Variants in IFT172 observed in about 807,000 individuals in gnomAD.
The protein encoded by IFT172 is intraflagellar transport 172, also known as intraflagellar transport protein 172 homolog.
A neutral mutation model predicts 248.9 loss-of-function variants in IFT172; 164 were observed. The observed-to-expected ratio is 0.66, with a 90% CI of 0.58 to 0.75. The LOEUF (loss-of-function observed/expected upper bound fraction) is 0.75. Ranked by LOEUF, IFT172 falls within the 30% of genes least tolerant of loss-of-function variation. The pLI is 0.00. For missense variants in IFT172, 1,950 were observed against 2,192.4 expected (o/e 0.89, Z 2.21); for synonymous variants, 729 against 791.6 (o/e 0.92, Z 1.33).
Position 27,477,009 on chromosome 2 carries a change from G to C in IFT172, c.1325+208C>G. The stretch of plus-strand genomic sequence containing the variant: ...TGGATAATTTTTTGTATTTTTAGTA[G>C]AGATGGGGTTTCACCATGTTGCCCA... On this transcript the variant is annotated intron_variant, in intron 13 of 47. Coordinates refer to ENST00000260570, the MANE Select transcript of IFT172 (RefSeq NM_015662.3). 1.1e-5 allele frequency: 7 copies of C among 610,530 alleles called. No individual in the cohort carries two copies. The South Asian group carries it at 1.4e-4, about 12-fold the overall frequency. The allele number at this position is 610,530 out of a possible 1,614,324, so 37.8% of individuals were successfully genotyped here.
At position 27,449,280 on chromosome 2, in the gene IFT172, G is replaced by T; in HGVS notation, c.4311+14C>A. On this transcript the variant is annotated intron_variant, in intron 39 of 47. Transcript: ENST00000260570. Reference sequence around the variant, plus strand: ...AAATGTAAAGAAAAACTGGGAATGGGAAGAGAGCAGTACCTGCTTGGTAGC... The same window carrying T: ...AAATGTAAAGAAAAACTGGGAATGGTAAGAGAGCAGTACCTGCTTGGTAGC... 1 of 1,613,960 alleles carries T rather than the reference G, an allele frequency of 6.2e-7. No individual in the cohort carries two copies. Among genetic ancestry groups the T allele is most frequent in the Non-Finnish European group, 8.5e-7 (1 of 1,179,918 alleles).
At chr2:27,449,060 T>C in intron 39 of IFT172, 29 bp from the exon 40 acceptor site, 12 of 1,344,510 alleles carry the variant, frequency 8.9e-6, no homozygotes, top group Non-Finnish European at 1.3e-5. Flanking sequence ...AAAGCATGAG[T>C]GAGGCTGGGA....
chr2:27,448,774 C>T, intron 40 of IFT172, 141 bp downstream of exon 40: 2 of 670,394 alleles, frequency 3.0e-6, no homozygotes, highest in Admixed American at 4.4e-5. Context: ...CTGTACATTT[C>T]TGGAGATGCG....
intron 16 of IFT172, among the ~76,000 whole-genome samples, chr2:27,466,242 C>G (rs1230238584): frequency 1.3e-5 from 2 of 152,054 alleles, no homozygotes; most frequent in Non-Finnish European, 2.9e-5. Context: ...GAAGAAATCA[C>G]TAAGAATATT....
chr2:27,453,793 C>G, intron 33 of IFT172, 54 bp from the exon 34 acceptor site: 1 of 1,524,144 alleles, frequency 6.6e-7, no homozygotes, highest in Non-Finnish European at 9.0e-7. Context: ...CAGCTTCCCA[C>G]TGCCACACAG....
chr2:27,488,405 C>T lies in IFT172; in HGVS notation c.39+1210G>A, dbSNP rs1005608883. 5.3e-5 allele frequency among the ~76,000 whole-genome samples: 8 copies of T among 151,960 alleles called. No individual in the cohort carries two copies. In the East Asian group the frequency reaches 1.2e-3, roughly 22 times the overall value. The stretch of plus-strand genomic sequence containing the variant: ...CTGACCTCAGGTGATCCGCCCGCCT[C>T]GGCCTCCCAAAGTACAGGGATTACA... On this transcript the variant is annotated intron_variant, in intron 1 of 47. Transcript: ENST00000260570.
Position 27,478,028 on chromosome 2 carries a change from C to A in IFT172, c.1134G>T (p.Leu378=), listed in dbSNP as rs748753565. 6.2e-7 allele frequency: 1 copy of A among 1,614,162 alleles called. No homozygotes were observed. The highest frequency in any genetic ancestry group is 8.5e-7 in the Non-Finnish European group (1 of 1,180,028). Reference sequence around the variant, plus strand: ...GCCGATTAGTGTTCAGGTCCCCCAGCAGCAGTGTTTCTGATGTGTGAGCCA... The same window carrying A: ...GCCGATTAGTGTTCAGGTCCCCCAGAAGCAGTGTTTCTGATGTGTGAGCCA... ...YLVAHTSETL[L]LGDLNTNRLS... Residue 378 remains leucine, a synonymous_variant, in exon 11 of 48, where the codon CTG becomes CTT. Transcript: ENST00000260570.
chr2:27,479,436 G>T, intron 10 of IFT172, 73 bp downstream of exon 10: 1 of 859,812 alleles, frequency 1.2e-6, no homozygotes, highest in Admixed American at 1.8e-5. Flanking sequence ...GCTGTGGCCA[G>T]AAGGCAGGGA....
Position 27,445,153 on chromosome 2 carries a change from G to A in IFT172, c.5069-48C>T. ...GAACTGGGGTTTGAGAGAGATTGAGGAGGGAAAAATGAGGAGCAGCCTGGG... is the reference window on the plus strand; with the variant it reads ...GAACTGGGGTTTGAGAGAGATTGAGAAGGGAAAAATGAGGAGCAGCCTGGG... On this transcript the variant is annotated intron_variant, in intron 46 of 47. Transcript: ENST00000260570. The surrounding 1 kb of genome is among the most constrained non-coding windows in gnomAD (Gnocchi z 4.4). The A allele has an allele frequency of 6.2e-7, 1 of 1,609,658 alleles. No individual in the cohort carries two copies. The highest frequency in any genetic ancestry group is 8.5e-7 in the Non-Finnish European group (1 of 1,177,602).
chr2:27,478,057 A>C lies in IFT172; in HGVS notation c.1105T>G (p.Leu369Val). The change falls in exon 11 of 48, where the codon TTG becomes GTG. Residue 369 changes from leucine to valine, a missense_variant. This residue lies in a region of IFT172 where 1,166 missense variants were observed against 1,254.1 expected (regional missense o/e 0.93). Coordinates refer to ENST00000260570, the MANE Select transcript of IFT172 (RefSeq NM_015662.3). ...EVKILGKERY[L>V]VAHTSETLLL... ...AGTGTTTCTGATGTGTGAGCCACCA[A>C]GTAACGTTCCTTTCCTAGGATTTTC... 3.1e-6 allele frequency: 5 copies of C among 1,614,202 alleles called. No individual in the cohort carries two copies. The highest frequency in any genetic ancestry group is 4.2e-6 in the Non-Finnish European group (5 of 1,180,040).
Position 27,465,423 on chromosome 2 carries a change from T to C in IFT172, c.1925A>G (p.His642Arg). 1 of 1,613,930 alleles carries C rather than the reference T, an allele frequency of 6.2e-7. No individual in the cohort carries two copies. The highest frequency in any genetic ancestry group is 8.5e-7 in the Non-Finnish European group (1 of 1,179,804). Residue 642 changes from histidine to arginine, a missense_variant, in exon 18 of 48, where the codon CAC becomes CGC. Coordinates refer to ENST00000260570, the MANE Select transcript of IFT172 (RefSeq NM_015662.3). The stretch of plus-strand genomic sequence containing the variant: ...ATGTCTACCTCACCTCTCCGCAATG[T>C]GTAGTTGCCTTGCCTCTAGTGCCAG... ...SKLALEARQLHIAERCFSALG... is the reference protein window; with the variant it reads ...SKLALEARQLRIAERCFSALG...
intron 18 of IFT172, among the ~76,000 whole-genome samples, chr2:27,463,570 T>C (rs938028237): frequency 3.4e-5 from 5 of 148,468 alleles, no homozygotes; most frequent in African/African-American, 1.2e-4. Flanking sequence ...CTATCATTAG[T>C]GTTAGTATAT....
rs770876754 is a variant in IFT172, at chr2:27,453,731, T to G, written c.3720A>C (p.Gly1240=). 2 of 1,611,096 alleles carry G rather than the reference T, an allele frequency of 1.2e-6. No individual in the cohort carries two copies. The highest frequency in any genetic ancestry group is 2.2e-5 in the South Asian group (2 of 90,882). The change falls in exon 34 of 48, where the codon GGA becomes GGC. Residue 1240 remains glycine, a synonymous_variant. Coordinates refer to ENST00000260570, the MANE Select transcript of IFT172 (RefSeq NM_015662.3). ...GLALNYYKEA[G]LWSDALRICK... is the part of the protein sequence containing the mutation. ...AGATGCGCAGAGCGTCACTCCATAA[T>G]CCAGCCTCCTGCTCAGATTTCCAGG... is the stretch of plus-strand genomic sequence containing the variant.
intron 4 of IFT172, 47 bp downstream of exon 4, chr2:27,484,180 T>C (rs767317165): frequency 7.5e-6 from 12 of 1,610,402 alleles, no homozygotes; most frequent in South Asian, 1.1e-5. Flanking sequence ...GATATACTGA[T>C]ATATGTTTGT....
At chr2:27,446,724 G>A (rs1167450148) in intron 42 of IFT172, among the ~76,000 whole-genome samples, 2 of 114,458 alleles carry the variant, frequency 1.7e-5, no homozygotes, top group Non-Finnish European at 3.3e-5. Context: ...ACGGAGTCTC[G>A]CTCTGTCGCC....
At chr2:27,477,640 A>C (rs373376809) in intron 11 of IFT172, 28 bp from the exon 12 acceptor site, 2 of 1,450,010 alleles carry the variant, frequency 1.4e-6, no homozygotes, top group Non-Finnish European at 1.9e-6. Flanking sequence ...TTAAGAAGCA[A>C]TGTGGATAAA....
intron 30 of IFT172, chr2:27,455,613 A>G: frequency 9.2e-6 from 2 of 217,066 alleles, no homozygotes; most frequent in South Asian, 5.8e-5. Context: ...CAGGAGGCTG[A>G]GGCAGGAGAA....
intron 14 of IFT172, 27 bp downstream of exon 14, chr2:27,476,614 T>C: frequency 7.4e-7 from 1 of 1,345,384 alleles, no homozygotes; most frequent in Non-Finnish European, 1.1e-6. Flanking sequence ...TATTTTGTTA[T>C]TAAAATTATG....
In IFT172 at chr2:27,477,335, G is replaced by T. The variant is rs769449055; in HGVS notation, c.1222-15C>A. On this transcript the variant is annotated splice_polypyrimidine_tract_variant and intron_variant, in intron 12 of 47. Transcript: ENST00000260570. The stretch of plus-strand genomic sequence containing the variant: ...ATCATGCATACCTGGGAAAAATGGA[G>T]TTGTTATACGGTGGAAAGGCTACAT... The T allele has an allele frequency of 1.9e-6, 3 of 1,604,234 alleles. No homozygotes were observed. Among genetic ancestry groups the T allele is most frequent in the Non-Finnish European group, 2.6e-6 (3 of 1,171,066 alleles).
Sources: allele counts gnomAD v4.1 joint callset (sites outside exome capture counted in the v4.1 genomes callset), GRCh38; gene constraint gnomAD v4.1.1; regional missense constraint gnomAD v4.1.1; non-coding constraint Gnocchi (gnomAD v3.1); transcripts MANE v1.5; gene names NCBI Gene and HGNC (gene_info 2026-07-23, HGNC 2026-07-21).